SUCLA2: variants seen among roughly 807,000 people sequenced by gnomAD.
The protein encoded by SUCLA2 is succinate--CoA ligase [ADP-forming] subunit beta, mitochondrial.
Under a neutral mutation model 54.8 loss-of-function variants are expected in SUCLA2, and 30 were observed. The ratio of observed to expected loss-of-function variants is 0.55; its 90% CI spans 0.41 to 0.74. The LOEUF (loss-of-function observed/expected upper bound fraction) is 0.74. Ranked by LOEUF, SUCLA2 falls within the 30% of genes least tolerant of loss-of-function variation. The probability of loss-of-function intolerance (pLI) is 0.00; values close to 1 mark genes in which losing one functional copy is unlikely to be tolerated. For synonymous variants in SUCLA2, 172 were observed against 188.9 expected, an observed-to-expected ratio of 0.91 and a Z score of 0.74; for missense variants, 476 against 562.9, an observed-to-expected ratio of 0.85 and a Z score of 1.56.
intron 8 of SUCLA2, among the ~76,000 whole-genome samples, chr13:47,950,418 G>T (rs1320753942): frequency 2.6e-5 from 4 of 152,134 alleles, no homozygotes; most frequent in Non-Finnish European, 5.9e-5. Context: ...TGGCCTCTCA[G>T]ATCCCCTGGC....
chr13:47,945,982 A>G (rs1460210786), intron 10 of SUCLA2: 2 of 152,214 alleles, frequency 1.3e-5, no homozygotes, highest in Non-Finnish European at 2.9e-5. Context: ...GATGAACCAA[A>G]GCAGATGATT....
At chr13:47,973,075 T>C (rs1315677395) in intron 5 of SUCLA2, among the ~76,000 whole-genome samples, 189 bp downstream of exon 5, 3 of 152,124 alleles carry the variant, frequency 2.0e-5, no homozygotes, top group Admixed American at 6.6e-5. Context: ...AGAATCCACA[T>C]TGAAATATTT....
At chr13:47,991,055 A>G (rs1003662027) in intron 2 of SUCLA2, among the ~76,000 whole-genome samples, 1 of 152,124 alleles carries the variant, frequency 6.6e-6, no homozygotes, top group Non-Finnish European at 1.5e-5. Flanking sequence ...AATCTTCACC[A>G]TTCCTCATCA....
chr13:47,965,010 G>A (rs1593486314), intron 6 of SUCLA2, among the ~76,000 whole-genome samples: 1 of 149,866 alleles, frequency 6.7e-6, no homozygotes, highest in African/African-American at 2.5e-5. Flanking sequence ...GAGGCCACAG[G>A]AGCAAGCCTG....
chr13:47,970,218 C>T (rs1026567198), intron 5 of SUCLA2, among the ~76,000 whole-genome samples: 2 of 151,800 alleles, frequency 1.3e-5, no homozygotes, highest in African/African-American at 4.8e-5. Context: ...TATGTCACAA[C>T]TCACCTAAAA....
At position 47,948,894 on chromosome 13, in the gene SUCLA2, G is replaced by C. The variant is rs368943315; in HGVS notation, c.1317+46C>G. 3.2e-6 allele frequency: 5 copies of C among 1,545,486 alleles called. No homozygotes were observed. In the African/African-American group the frequency reaches 6.8e-5, roughly 21 times the overall value. Reference sequence around the variant, plus strand: ...TGTATTAATAATTAGGTTCATTTTAGAATCTGTGTTTATAAATCCTCCTTA... The same window carrying C: ...TGTATTAATAATTAGGTTCATTTTACAATCTGTGTTTATAAATCCTCCTTA... On this transcript the variant is annotated intron_variant, in intron 10 of 10. Transcript: ENST00000646932.
intron 4 of SUCLA2, among the ~76,000 whole-genome samples, chr13:47,980,210 A>C (rs1950049682): frequency 6.6e-6 from 1 of 152,102 alleles, no homozygotes; most frequent in South Asian, 2.1e-4. Flanking sequence ...AGGTCAGGAG[A>C]TCGAGACCAT....
rs1015786824 is a variant in SUCLA2 at position 47,988,317 on chromosome 13, C to G, written c.534+224G>C. On this transcript the variant is annotated intron_variant, in intron 4 of 10. Transcript: ENST00000646932. Reference sequence around the variant, plus strand: ...TTTGAGAATCCCATGAAATTTATTACAGCAGAATTTTTCCTATAATTTTAA... The same window carrying G: ...TTTGAGAATCCCATGAAATTTATTAGAGCAGAATTTTTCCTATAATTTTAA... 1.1e-4 allele frequency: 59 copies of G among 545,616 alleles called. No individual in the cohort carries two copies. In the African/African-American group the frequency reaches 1.1e-3, roughly 10 times the overall value. 33.8% of individuals were successfully genotyped at this position (545,616 alleles called of 1,614,324 possible).
chr13:47,994,054 G>A (rs1457739112), intron 2 of SUCLA2, among the ~76,000 whole-genome samples: 3 of 89,718 alleles, frequency 3.3e-5, no homozygotes, highest in Non-Finnish European at 7.6e-5. Flanking sequence ...ACGAAACTCC[G>A]TCTCAAAAAA....
At chr13:47,955,843 G>A (rs747631546) in intron 6 of SUCLA2, among the ~76,000 whole-genome samples, 58 of 152,144 alleles carry the variant, frequency 3.8e-4, no homozygotes, top group Non-Finnish European at 6.5e-4. Flanking sequence ...CATTCTCCTT[G>A]CAGCTCCTGA....
intron 5 of SUCLA2, among the ~76,000 whole-genome samples, chr13:47,971,045 C>T (rs1949959063): frequency 6.6e-6 from 1 of 151,288 alleles, no homozygotes; most frequent in Non-Finnish European, 1.5e-5. Flanking sequence ...CAAAAAAAAA[C>T]TAAAAATAAA....
At chr13:47,977,374 T>C (rs972245718) in intron 4 of SUCLA2, among the ~76,000 whole-genome samples, 2 of 152,234 alleles carry the variant, frequency 1.3e-5, no homozygotes, top group East Asian at 1.9e-4. Flanking sequence ...TGAACCAATC[T>C]TTCCCAAGCT....
chr13:47,945,145 A>T (rs1189300769), intron 10 of SUCLA2, among the ~76,000 whole-genome samples: 1 of 149,188 alleles, frequency 6.7e-6, no homozygotes, highest in Non-Finnish European at 1.5e-5. Flanking sequence ...GCTGCTTGGG[A>T]GGCTGAGGCA....
At chr13:47,997,096 A>G (rs929906268) in intron 1 of SUCLA2, 73 bp from the exon 2 acceptor site, 20 of 1,479,152 alleles carry the variant, frequency 1.4e-5, no homozygotes, top group South Asian at 5.7e-5. Flanking sequence ...TTGGTTCTTC[A>G]TAACTATAAC....
intron 8 of SUCLA2, among the ~76,000 whole-genome samples, chr13:47,950,201 A>G (rs1300657084): frequency 6.6e-6 from 1 of 152,152 alleles, no homozygotes; most frequent in Non-Finnish European, 1.5e-5. Flanking sequence ...AACTTCCTCA[A>G]TGGTCACAAG....
At chr13:47,986,029 G>GTTTT (rs36000556) in intron 4 of SUCLA2, among the ~76,000 whole-genome samples, 9 of 122,212 alleles carry the variant, frequency 7.4e-5, no homozygotes, top group South Asian at 2.7e-4. Context: ...CATATGTATA[G>GTTTT]TTTTTTTTTT....
Position 47,979,522 on chromosome 13 carries a change from G to A in SUCLA2, c.535-6130C>T, listed in dbSNP as rs544643758. Among the ~76,000 whole-genome samples, 14 of 152,094 alleles carry A rather than the reference G, an allele frequency of 9.2e-5. No homozygotes were observed. The South Asian group carries it at 2.3e-3, about 25-fold the overall frequency. ...GGCTAGGGCAGAGATAGCATCAGGA[G>A]AAATACCTAATGTAGATGACAGGTT... On this transcript the variant is annotated intron_variant, in intron 4 of 10. Transcript: ENST00000646932.
Position 47,943,154 on chromosome 13 carries a change from A to G in SUCLA2, c.*217T>C, listed in dbSNP as rs4941618. On this transcript the variant is annotated 3_prime_UTR_variant, in exon 11 of 11. Transcript: ENST00000646932. ...AGAAGCAAAAAAGACTGGCTGCGAC[A>G]AAAGAAAGAAGATAACTGCATTATA... 0.93 allele frequency: 477,062 copies of G among 511,802 alleles called. 222,596 individuals are homozygous for G. Among genetic ancestry groups the G allele is most frequent in the East Asian group, 1 (30,330 of 30,376 alleles). 31.7% of individuals were successfully genotyped at this position (511,802 alleles called of 1,614,324 possible).
In SUCLA2 at chr13:47,968,752, T is replaced by C; in HGVS notation, c.664-19A>G. 1 of 1,611,432 alleles carries C rather than the reference T, an allele frequency of 6.2e-7. No individual in the cohort carries two copies. The highest frequency in any genetic ancestry group is 2.2e-5 in the East Asian group (1 of 44,786). ...GTGCAAGCTGAAATCAATATGTCTT[T>C]TTATTATAGGTAGTTTGCATATGTC... On this transcript the variant is annotated intron_variant, in intron 5 of 10. Coordinates refer to ENST00000646932, the MANE Select transcript of SUCLA2 (RefSeq NM_003850.3).
Sources: allele counts gnomAD v4.1 joint callset (sites outside exome capture counted in the v4.1 genomes callset), GRCh38; gene constraint gnomAD v4.1.1; transcripts MANE v1.5; gene names NCBI Gene and HGNC (gene_info 2026-07-23, HGNC 2026-07-21).